Variants in ARHGAP32 observed in about 807,000 individuals in gnomAD.
The protein encoded by ARHGAP32 is Rho GTPase activating protein 32.
A neutral mutation model predicts 186.5 loss-of-function variants in ARHGAP32; 51 were observed. The observed-to-expected ratio is 0.27, with a 90% CI of 0.22 to 0.35. ARHGAP32 has a LOEUF of 0.35. ARHGAP32 is among the 10% of genes least tolerant of loss of function. The probability of loss-of-function intolerance (pLI) is 1.00; values close to 1 mark genes in which losing one functional copy is unlikely to be tolerated. For missense variants in ARHGAP32, 2,186 were observed against 2,623.5 expected (o/e 0.83, Z 3.64); for synonymous variants, 950 against 964.3 (o/e 0.99, Z 0.27).
chr11:129,191,464 G>A (rs1944267870), intron 1 of ARHGAP32, among the ~76,000 whole-genome samples: 1 of 152,082 alleles, frequency 6.6e-6, no homozygotes, highest in South Asian at 2.1e-4. Context: ...TGCTTCATCA[G>A]GAGGCATCCT....
At chr11:129,262,698 A>G (rs1427710403) in intron 1 of ARHGAP32, among the ~76,000 whole-genome samples, 2 of 152,116 alleles carry the variant, frequency 1.3e-5, no homozygotes, top group African/African-American at 4.8e-5. Flanking sequence ...GGCCCAGCCC[A>G]AAACTACTAT....
Position 129,123,772 on chromosome 11 carries a change from G to C in ARHGAP32, c.359+116C>G. 1.1e-6 allele frequency: 1 copy of C among 890,634 alleles called. No homozygotes were observed. Among genetic ancestry groups the C allele is most frequent in the Non-Finnish European group, 1.6e-6 (1 of 619,720 alleles). 55.2% of individuals were successfully genotyped at this position (890,634 alleles called of 1,614,324 possible). ...AGCATCACCGTTATCTCCTAATTTT[G>C]ACCCGAATCAATGTCCATAGAAAAA... is the stretch of plus-strand genomic sequence containing the variant. On this transcript the variant is annotated intron_variant, in intron 4 of 22. Coordinates refer to ENST00000682385, the MANE Select transcript of ARHGAP32 (RefSeq NM_001378024.1). This position sits in a 1 kb window ranked among gnomAD's most constrained non-coding sequence, Gnocchi z 4.6.
chr11:129,137,129 G>A (rs1364699221), intron 2 of ARHGAP32, among the ~76,000 whole-genome samples: 1 of 150,908 alleles, frequency 6.6e-6, no homozygotes, highest in East Asian at 1.9e-4. Flanking sequence ...GTAGTCTTCA[G>A]TATATATGAA....
chr11:129,024,988 AATGAATTGGAAAATATTTAC>A (rs1320708210), intron 11 of ARHGAP32, among the ~76,000 whole-genome samples: 2 of 152,214 alleles, frequency 1.3e-5, no homozygotes, highest in Admixed American at 6.5e-5. Context: ...TGAAGAAACA[AATGAATTGGAAAATATTTAC>A]ATATTTTCCA....
At chr11:129,024,194 G>A in intron 11 of ARHGAP32, 1 of 985,368 alleles carries the variant, frequency 1.0e-6, no homozygotes, top group Non-Finnish European at 1.2e-6. Context: ...ATACTGCTTT[G>A]CAACACCACA....
At chr11:129,107,232 A>G (rs917714818) in intron 5 of ARHGAP32, among the ~76,000 whole-genome samples, 1 of 152,236 alleles carries the variant, frequency 6.6e-6, no homozygotes, top group African/African-American at 2.4e-5. Context: ...AAAATAAAGG[A>G]GAAATTAAGA....
At chr11:129,239,882 T>A (rs759903783) in intron 1 of ARHGAP32, among the ~76,000 whole-genome samples, 2 of 152,112 alleles carry the variant, frequency 1.3e-5, no homozygotes, top group Non-Finnish European at 2.9e-5. Context: ...CACAATTACT[T>A]AAAAAACAGA....
chr11:129,056,799 G>C (rs563233488), intron 10 of ARHGAP32, among the ~76,000 whole-genome samples: 4 of 152,168 alleles, frequency 2.6e-5, no homozygotes, highest in Non-Finnish European at 4.4e-5. Context: ...ACGAGCTTCA[G>C]AAAGTGTTGC....
intron 1 of ARHGAP32, among the ~76,000 whole-genome samples, chr11:129,191,105 A>G (rs1944262195): frequency 6.6e-6 from 1 of 152,220 alleles, no homozygotes; most frequent in Non-Finnish European, 1.5e-5. Context: ...TGGATAAAGA[A>G]ATCCTTTGAC....
chr11:129,109,281 C>T (rs1384731187), intron 5 of ARHGAP32, among the ~76,000 whole-genome samples: 2 of 151,266 alleles, frequency 1.3e-5, no homozygotes, highest in African/African-American at 2.4e-5. Context: ...TATATATATA[C>T]CATACTTTAA....
chr11:129,061,663 C>A (rs532324422), intron 10 of ARHGAP32, among the ~76,000 whole-genome samples: 2 of 152,160 alleles, frequency 1.3e-5, no homozygotes, highest in African/African-American at 4.8e-5. Flanking sequence ...GATTCACGTC[C>A]GGGGTGGGAC....
rs577598204 is a variant in ARHGAP32, at chr11:129,248,485, A to C, written c.-5+30661T>G. ...TCTATGCTTCACCAACACCTCAACAACTCCTGAACAAAACATCTTTATAAG... is the reference window on the plus strand; with the variant it reads ...TCTATGCTTCACCAACACCTCAACACCTCCTGAACAAAACATCTTTATAAG... On this transcript the variant is annotated intron_variant, in intron 1 of 6. Transcript: ENST00000525234. Among the ~76,000 whole-genome samples the C allele has an allele frequency of 3.9e-4, 60 of 152,124 alleles. 1 individual carries two copies. The South Asian group carries it at 0.012, about 31-fold the overall frequency.
chr11:128,980,453 T>C (rs1029876907), intron 18 of ARHGAP32, 100 bp downstream of exon 18: 6 of 916,086 alleles, frequency 6.5e-6, no homozygotes, highest in Middle Eastern at 3.5e-4. Context: ...TAGAATTCAA[T>C]AGAGTAATAC....
chr11:129,039,615 A>G (rs1939503842), intron 11 of ARHGAP32, among the ~76,000 whole-genome samples: 1 of 152,218 alleles, frequency 6.6e-6, no homozygotes, highest in Admixed American at 6.5e-5. Flanking sequence ...GGATTTCTTC[A>G]TGAAGTGATG....
Position 128,978,907 on chromosome 11 carries a change from G to C in ARHGAP32, c.1985C>G (p.Pro662Arg), listed in dbSNP as rs145186146. 2 of 1,601,586 alleles carry C rather than the reference G, an allele frequency of 1.2e-6. No individual in the cohort carries two copies. The highest frequency in any genetic ancestry group is 2.7e-5 in the African/African-American group (2 of 73,630). Reference sequence around the variant, plus strand: ...AGGAGACTTTTTCATCTTATTTTGAGGCCTCTTTCTATGAAAGAGAAAAAA... The same window carrying C: ...AGGAGACTTTTTCATCTTATTTTGACGCCTCTTTCTATGAAAGAGAAAAAA... ...IIEFPLERKR[P>R]QNKMKKSPVG... The change falls in exon 19 of 23, where the codon CCT becomes CGT. Residue 662 changes from proline (P) to arginine (R), a missense_variant. By Grantham distance (103) the Pro-to-Arg change is moderately radical. Coordinates refer to ENST00000682385, the MANE Select transcript of ARHGAP32 (RefSeq NM_001378024.1).
At chr11:129,018,731 G>C in intron 11 of ARHGAP32, among the ~76,000 whole-genome samples, 1 of 152,060 alleles carries the variant, frequency 6.6e-6, no homozygotes, top group Admixed American at 6.6e-5. Flanking sequence ...TGATTCACTA[G>C]AGTAATAACT....
Position 129,009,651 on chromosome 11 carries a change from T to TG in ARHGAP32, c.1046-11184dup, listed in dbSNP as rs574834460. On this transcript the variant is annotated intron_variant, in intron 11 of 22. Coordinates refer to ENST00000682385, the MANE Select transcript of ARHGAP32 (RefSeq NM_001378024.1). ...TGGCTTCTAGCCCCAAACATGTCCC[T>TG]GCAAAGGACATAATCTTGTTCCTTT... Among the ~76,000 whole-genome samples, 284 of 152,348 alleles carry TG rather than the reference T, an allele frequency of 1.9e-3. 1 individual carries two copies. Among genetic ancestry groups the TG allele is most frequent in the Non-Finnish European group, 2.8e-3 (188 of 68,028 alleles).
intron 10 of ARHGAP32, among the ~76,000 whole-genome samples, chr11:129,059,233 C>A (rs1940390362): frequency 6.6e-6 from 1 of 152,134 alleles, no homozygotes; most frequent in Non-Finnish European, 1.5e-5. Context: ...GACTTAGCAT[C>A]CTGACTACTT....
Position 128,970,999 on chromosome 11 carries a change from C to T in ARHGAP32, c.4214G>A (p.Arg1405Gln), listed in dbSNP as rs530219324. The T allele has an allele frequency of 1.9e-5, 30 of 1,613,634 alleles. No individual in the cohort carries two copies. The highest frequency in any genetic ancestry group is 5.0e-5 in the Admixed American group (3 of 60,018). ...GGCGCGCAGGTGCAGCAGCGGGACC[C>T]GGGCACCGTCCCGCACTTTCTCAGG... Reference protein sequence around the residue: ...GLPEKVRDGARVPLLHLRAES... With the variant: ...GLPEKVRDGAQVPLLHLRAES... Residue 1405 changes from arginine (R) to glutamine (Q), a missense_variant, in exon 23 of 23, where the codon CGG becomes CAG. By Grantham distance (43) the Arg-to-Gln change is conservative (BLOSUM62 1). Coordinates refer to ENST00000682385, the MANE Select transcript of ARHGAP32 (RefSeq NM_001378024.1). The surrounding 1 kb of genome is among the most constrained non-coding windows in gnomAD (Gnocchi z 5.8).
Sources: allele counts gnomAD v4.1 joint callset (sites outside exome capture counted in the v4.1 genomes callset), GRCh38; gene constraint gnomAD v4.1.1; non-coding constraint Gnocchi (gnomAD v3.1); transcripts MANE v1.5; gene names NCBI Gene and HGNC (gene_info 2026-07-23, HGNC 2026-07-21).